Variants in TCF7L1 observed in about 807,000 individuals in gnomAD.
TCF7L1 encodes transcription factor 7 like 1.
Under a neutral mutation model 63.7 loss-of-function variants are expected in TCF7L1, and 18 were observed. That is an observed-to-expected ratio of 0.28 (90% confidence interval 0.20 to 0.42). TCF7L1 has a LOEUF of 0.42. TCF7L1 is among the 10% of genes least tolerant of loss of function. TCF7L1 has a pLI of 1.00. For missense variants in TCF7L1, 654 were observed against 779.3 expected (o/e 0.84, Z 1.91); for synonymous variants, 355 against 340.9 (o/e 1.04, Z -0.46).
At chr2:85,300,050 A>G (rs377450506) in intron 4 of TCF7L1, among the ~76,000 whole-genome samples, 1 of 152,154 alleles carries the variant, frequency 6.6e-6, no homozygotes, top group Non-Finnish European at 1.5e-5. Context: ...TGTGTTATTC[A>G]TAGTATATTT....
intron 3 of TCF7L1, among the ~76,000 whole-genome samples, chr2:85,231,749 A>G (rs773425068): frequency 1.3e-5 from 2 of 151,868 alleles, no homozygotes; most frequent in Non-Finnish European, 2.9e-5. Flanking sequence ...TCCACACACT[A>G]TTTCCCACCC....
chr2:85,280,350 G>T (rs889251798), intron 3 of TCF7L1, among the ~76,000 whole-genome samples: 1 of 152,126 alleles, frequency 6.6e-6, no homozygotes, highest in Non-Finnish European at 1.5e-5. Flanking sequence ...TGCTGAGCCT[G>T]AGAAACCCTG....
intron 3 of TCF7L1, among the ~76,000 whole-genome samples, chr2:85,216,618 G>C (rs1679718520): frequency 6.6e-6 from 1 of 152,074 alleles, no homozygotes; most frequent in Admixed American, 6.5e-5. Context: ...AAATTAATCA[G>C]ACCAACGTTA....
At position 85,309,042 on chromosome 2, in the gene TCF7L1, C is replaced by T; in HGVS notation, c.1347C>T (p.Ser449=). Residue 449 remains serine, a synonymous_variant, in exon 12 of 12, where the codon TCC becomes TCT. Transcript: ENST00000282111. ...QVQEAEGALA[S]KSKKPCVQYL... Reference sequence around the variant, plus strand: ...TTTTCCCCCTAGGTGCCCTGGCCTCCAAGAGCAAGAAGCCATGTGTTCAGT... The same window carrying T: ...TTTTCCCCCTAGGTGCCCTGGCCTCTAAGAGCAAGAAGCCATGTGTTCAGT... 2 of 1,594,906 alleles carry T rather than the reference C, an allele frequency of 1.3e-6. No homozygotes were observed. Among genetic ancestry groups the T allele is most frequent in the Non-Finnish European group, 1.7e-6 (2 of 1,169,180 alleles).
chr2:85,219,598 G>A (rs374805675), intron 3 of TCF7L1, among the ~76,000 whole-genome samples: 29 of 152,266 alleles, frequency 1.9e-4, no homozygotes, highest in African/African-American at 6.7e-4. Context: ...TAAGTGGCTA[G>A]GCTGGGCACA....
intron 3 of TCF7L1, among the ~76,000 whole-genome samples, chr2:85,281,726 C>G (rs930593588): frequency 2.6e-5 from 4 of 152,174 alleles, no homozygotes; most frequent in Non-Finnish European, 5.9e-5. Context: ...CCAGGTCTCC[C>G]GCGCCAGGCC....
At chr2:85,217,890 T>G (rs567325897) in intron 3 of TCF7L1, among the ~76,000 whole-genome samples, 20 of 152,192 alleles carry the variant, frequency 1.3e-4, no homozygotes, top group Non-Finnish European at 2.2e-4. Flanking sequence ...GCATTTTGGA[T>G]TTTGTATTTT....
intron 3 of TCF7L1, among the ~76,000 whole-genome samples, chr2:85,235,909 C>G (rs1241314568): frequency 1.3e-5 from 2 of 152,042 alleles, no homozygotes; most frequent in African/African-American, 2.4e-5. Flanking sequence ...ATTGTAATCC[C>G]AGCACTTTGA....
intron 3 of TCF7L1, among the ~76,000 whole-genome samples, chr2:85,155,862 T>C (rs117152437): frequency 4.8e-4 from 73 of 152,184 alleles, no homozygotes; most frequent in East Asian, 9.6e-4. Flanking sequence ...TTTTAGACTG[T>C]TGGGGGAGGG....
At chr2:85,199,287 T>C (rs1679224038) in intron 3 of TCF7L1, among the ~76,000 whole-genome samples, 1 of 152,152 alleles carries the variant, frequency 6.6e-6, no homozygotes, top group Non-Finnish European at 1.5e-5. Flanking sequence ...AGATTCTCTG[T>C]CTATAAAATG....
chr2:85,303,031 T>TTTTA (rs562382211), intron 5 of TCF7L1, among the ~76,000 whole-genome samples: 12 of 152,118 alleles, frequency 7.9e-5, no homozygotes, highest in South Asian at 4.2e-4. Context: ...CCAAACTGGC[T>TTTTA]TTTATTTATT....
chr2:85,273,844 T>A (rs2104358914), intron 3 of TCF7L1, among the ~76,000 whole-genome samples: 1 of 151,978 alleles, frequency 6.6e-6, no homozygotes, highest in East Asian at 1.9e-4. Flanking sequence ...TGCCGGCGAA[T>A]GGAGTGGGGG....
intron 3 of TCF7L1, among the ~76,000 whole-genome samples, chr2:85,190,385 A>C (rs1056866318): frequency 1.3e-5 from 2 of 152,134 alleles, no homozygotes; most frequent in African/African-American, 2.4e-5. Context: ...AGGGATCTGC[A>C]TTTGGAATTT....
chr2:85,278,375 C>T (rs969550020), intron 3 of TCF7L1, among the ~76,000 whole-genome samples: 14 of 152,216 alleles, frequency 9.2e-5, no homozygotes, highest in Non-Finnish European at 2.1e-4. Flanking sequence ...GAAAAGAAAA[C>T]TTTGTTCACC....
At chr2:85,175,805 C>T (rs1472176302) in intron 3 of TCF7L1, among the ~76,000 whole-genome samples, 2 of 152,216 alleles carry the variant, frequency 1.3e-5, no homozygotes, top group African/African-American at 2.4e-5. Flanking sequence ...GATATGGAAG[C>T]GTGACCAATA....
chr2:85,134,522 A>G lies in TCF7L1; in HGVS notation c.441+72A>G, dbSNP rs746356827. 2.9e-6 allele frequency: 4 copies of G among 1,396,252 alleles called. No individual in the cohort carries two copies. The highest frequency in any genetic ancestry group is 3.4e-5 in the East Asian group (1 of 29,328). The allele number at this position is 1,396,252 out of a possible 1,614,324, so 86.5% of individuals were successfully genotyped here. ...GCAGGATGCGCCCCCGGGCTTGGCC[A>G]TGGAGTGGGGGATGGGGCCTTCTGC... On this transcript the variant is annotated intron_variant, in intron 3 of 11. Transcript: ENST00000282111. This position sits in a 1 kb window ranked among gnomAD's most constrained non-coding sequence, Gnocchi z 5.0.
intron 3 of TCF7L1, among the ~76,000 whole-genome samples, chr2:85,273,693 T>C (rs1681207487): frequency 6.6e-6 from 1 of 152,006 alleles, no homozygotes; most frequent in South Asian, 2.1e-4. Context: ...ACACGGTGAG[T>C]GTTCAAGGGT....
chr2:85,297,599 G>A (rs1040698995), intron 4 of TCF7L1, among the ~76,000 whole-genome samples: 1 of 152,150 alleles, frequency 6.6e-6, no homozygotes, highest in Non-Finnish European at 1.5e-5. Context: ...GCCCAGACAG[G>A]CAGATTGCTT....
chr2:85,181,165 C>T (rs779824526), intron 3 of TCF7L1, among the ~76,000 whole-genome samples: 25 of 152,072 alleles, frequency 1.6e-4, no homozygotes, highest in South Asian at 6.2e-4. Flanking sequence ...GAAAGAGGTG[C>T]GGAGAGCAGG....
Sources: gnomAD v4.1 joint callset for allele counts (sites outside exome capture counted in the v4.1 genomes callset) on GRCh38, gnomAD v4.1.1 for gene constraint, Gnocchi (gnomAD v3.1) non-coding constraint, MANE v1.5 for transcripts, NCBI Gene and HGNC (gene_info 2026-07-23, HGNC 2026-07-21) for gene names.